The following TP63 variants were observed in gnomAD, a reference collection of about 807,000 sequenced individuals.
TP63 encodes the protein tumor protein p63, also known as tumor protein 63.
TP63 carries 17 observed loss-of-function variants against 82.8 expected under a neutral mutation model. That is an observed-to-expected ratio of 0.21 (90% CI 0.14 to 0.31). The LOEUF is 0.31. Among genes scored for constraint, TP63 ranks in the 10% least tolerant of loss-of-function variants. TP63 has a pLI of 1.00. For synonymous variants in TP63, 330 were observed against 321.7 expected (o/e 1.03, Z -0.28); for missense variants, 648 against 895.3 (o/e 0.72, Z 3.52).
intron 1 of TP63, among the ~76,000 whole-genome samples, chr3:189,695,270 C>G (rs114591635): frequency 6.6e-6 from 1 of 152,056 alleles, no homozygotes; most frequent in African/African-American, 2.4e-5. Context: ...CTCCATTGCT[C>G]CAGTTTTGGC....
intron 1 of TP63, among the ~76,000 whole-genome samples, chr3:189,671,500 A>G (rs2108673846): frequency 6.6e-6 from 1 of 152,240 alleles, no homozygotes; most frequent in Non-Finnish European, 1.5e-5. Flanking sequence ...AAGATTAAAA[A>G]CAAAACTATC....
the TP63 span, among the ~76,000 whole-genome samples, chr3:189,606,741 C>A: frequency 1.3e-5 from 2 of 151,590 alleles, no homozygotes; most frequent in African/African-American, 4.8e-5. Context: ...CTACTCCTGG[C>A]CTCAAGTGAT....
At chr3:189,764,056 C>A (rs992882915) in intron 3 of TP63, among the ~76,000 whole-genome samples, 1 of 152,088 alleles carries the variant, frequency 6.6e-6, no homozygotes, top group Admixed American at 6.6e-5. Context: ...ATGTGCAGGT[C>A]CCTGTGCATG....
intron 1 of TP63, among the ~76,000 whole-genome samples, chr3:189,643,285 G>A (rs1712084339): frequency 6.6e-6 from 1 of 152,062 alleles, no homozygotes; most frequent in Non-Finnish European, 1.5e-5. Context: ...ACAGGCGTGA[G>A]CCACTGCACC....
At chr3:189,834,612 C>T (rs1712850514) in intron 4 of TP63, among the ~76,000 whole-genome samples, 1 of 152,178 alleles carries the variant, frequency 6.6e-6, no homozygotes, top group Non-Finnish European at 1.5e-5. Context: ...GCTGTTCACA[C>T]AGAACAGATT....
chr3:189,772,432 T>C (rs1298801503), intron 3 of TP63, among the ~76,000 whole-genome samples: 1 of 152,220 alleles, frequency 6.6e-6, no homozygotes, highest in African/African-American at 2.4e-5. Flanking sequence ...CTAGATGCTG[T>C]ATAAAATCTC....
At chr3:189,630,737 ATTTTC>A (rs1729423980), upstream of TP63, among the ~76,000 whole-genome samples, 1 of 152,078 alleles carries the variant, frequency 6.6e-6, no homozygotes. Flanking sequence ...AATAAAGGTT[ATTTTC>A]TTTTATTCGG....
intron 3 of TP63, among the ~76,000 whole-genome samples, chr3:189,804,035 A>ATAC (rs1230944796): frequency 2.2e-4 from 34 of 152,168 alleles, no homozygotes; most frequent in Non-Finnish European, 4.9e-4. Context: ...ATTTCATTTC[A>ATAC]GATACGCCAA....
chr3:189,815,056 C>T (rs1222883241), intron 4 of TP63, among the ~76,000 whole-genome samples: 2 of 152,084 alleles, frequency 1.3e-5, no homozygotes, highest in Non-Finnish European at 2.9e-5. Flanking sequence ...TCTCCCTATT[C>T]TTCTCCTCTT....
intron 1 of TP63, among the ~76,000 whole-genome samples, chr3:189,706,949 C>T (rs968481705): frequency 1.3e-5 from 2 of 150,902 alleles, no homozygotes; most frequent in African/African-American, 5.0e-5. Flanking sequence ...GATCCCCATG[C>T]TGTGTAACAG....
intron 1 of TP63, among the ~76,000 whole-genome samples, chr3:189,672,537 G>A (rs1172737188): frequency 6.6e-6 from 1 of 151,792 alleles, no homozygotes; most frequent in Non-Finnish European, 1.5e-5. Context: ...GGCAGGGGAA[G>A]GCTACAGTGA....
chr3:189,687,684 A>G (rs549052547), intron 1 of TP63, among the ~76,000 whole-genome samples: 30 of 152,356 alleles, frequency 2.0e-4, no homozygotes, highest in African/African-American at 6.7e-4. Flanking sequence ...CAAATGGGCG[A>G]CTGGACAATG....
the TP63 span, among the ~76,000 whole-genome samples, chr3:189,617,070 T>C: frequency 6.6e-6 from 1 of 152,204 alleles, no homozygotes; most frequent in Non-Finnish European, 1.5e-5. Flanking sequence ...CTCCTGACCA[T>C]TGGATCTGTA....
At chr3:189,603,942 G>A in the TP63 span, among the ~76,000 whole-genome samples, 2 of 151,902 alleles carry the variant, frequency 1.3e-5, no homozygotes, top group African/African-American at 4.8e-5. Context: ...GCCCCCAAAA[G>A]TTAACACTCC....
At chr3:189,740,141 C>T (rs951339609) in intron 3 of TP63, among the ~76,000 whole-genome samples, 3 of 152,152 alleles carry the variant, frequency 2.0e-5, no homozygotes, top group African/African-American at 4.8e-5. Flanking sequence ...TTCATTGACT[C>T]TTTTCATTCC....
At chr3:189,780,164 G>A (rs970702835) in intron 3 of TP63, among the ~76,000 whole-genome samples, 6 of 145,806 alleles carry the variant, frequency 4.1e-5, no homozygotes, top group Non-Finnish European at 7.9e-5. Context: ...TTATGTGGGT[G>A]TTAAAGAATG....
At chr3:189,663,521 C>CTTTTTTTTTTTTTTTTT (rs397991949) in intron 1 of TP63, among the ~76,000 whole-genome samples, 3 of 84,550 alleles carry the variant, frequency 3.5e-5, no homozygotes, top group Non-Finnish European at 6.2e-5. Flanking sequence ...TTCATTCATT[C>CTTTTTTTTTTTTTTTTT]TTTTTTTTTT....
intron 4 of TP63, among the ~76,000 whole-genome samples, chr3:189,828,312 T>C (rs1444014657): frequency 4.8e-5 from 7 of 146,720 alleles, no homozygotes; most frequent in Non-Finnish European, 1.1e-4. Flanking sequence ...AGGAGGTGAG[T>C]GTGGGGTTTG....
At chr3:189,879,624 C>T (rs989396207) in intron 10 of TP63, among the ~76,000 whole-genome samples, 19 of 151,994 alleles carry the variant, frequency 1.3e-4, no homozygotes, top group African/African-American at 4.1e-4. Context: ...ATTCAAGTTT[C>T]TTCTTCTTCA....
Sources: allele counts gnomAD v4.1 joint callset (sites outside exome capture counted in the v4.1 genomes callset), GRCh38; gene constraint gnomAD v4.1.1; transcripts MANE v1.5; gene names NCBI Gene and HGNC (gene_info 2026-07-23, HGNC 2026-07-21).